Variants in MBNL2 observed in about 807,000 individuals in gnomAD.
MBNL2 encodes the protein muscleblind like splicing regulator 2, also known as muscleblind-like protein 2.
A neutral mutation model predicts 41.9 loss-of-function variants in MBNL2; 17 were observed. That is an observed-to-expected ratio of 0.41 (90% CI 0.28 to 0.61). The LOEUF is 0.61. Among genes scored for constraint, MBNL2 ranks in the 20% least tolerant of loss-of-function variants. The pLI is 0.35. For missense variants in MBNL2, 336 were observed against 505.6 expected, an observed-to-expected ratio of 0.66 and a Z score of 3.22; for synonymous variants, 195 against 182.9, an observed-to-expected ratio of 1.07 and a Z score of -0.53.
At chr13:97,269,741 G>A (rs1443897386) in intron 1 of MBNL2, among the ~76,000 whole-genome samples, 1 of 152,124 alleles carries the variant, frequency 6.6e-6, no homozygotes, top group Non-Finnish European at 1.5e-5. Context: ...AAGGCGGTGT[G>A]AGAAGTGAAG....
the MBNL2 span, among the ~76,000 whole-genome samples, chr13:97,206,076 A>C: frequency 6.6e-6 from 1 of 152,196 alleles, no homozygotes; most frequent in East Asian, 1.9e-4. Context: ...TATAAAAGCC[A>C]ATGAGTAGTC....
At chr13:97,282,147 G>A (rs867649636) in intron 2 of MBNL2, among the ~76,000 whole-genome samples, 39 of 152,056 alleles carry the variant, frequency 2.6e-4, no homozygotes, top group Admixed American at 9.2e-4. Context: ...AGCCTTGGGA[G>A]ATCAAGACCA....
chr13:97,151,523 G>T, the MBNL2 span, among the ~76,000 whole-genome samples: 1 of 152,144 alleles, frequency 6.6e-6, no homozygotes, highest in Non-Finnish European at 1.5e-5. Flanking sequence ...GCTCTAATTT[G>T]TAGTCATTGC....
At chr13:97,377,556 AT>A (rs1487060622) in intron 8 of MBNL2, among the ~76,000 whole-genome samples, 2 of 152,190 alleles carry the variant, frequency 1.3e-5, no homozygotes, top group Admixed American at 1.3e-4. Context: ...TTCTCCAAGT[AT>A]TTTTTCCTAG....
rs182670941 is a variant in MBNL2 at position 97,311,116 on chromosome 13, G to A, written c.175-23160G>A. Among the ~76,000 whole-genome samples, 456 of 152,278 alleles carry A rather than the reference G, an allele frequency of 3.0e-3. 1 individual carries two copies. Among genetic ancestry groups the A allele is most frequent in the African/African-American group, 0.01 (436 of 41,556 alleles). On this transcript the variant is annotated intron_variant, in intron 2 of 8. Coordinates refer to ENST00000679496, the MANE Select transcript of MBNL2 (RefSeq NM_001382683.1). ...AGTTACACTGAGGAAATAAAAAAGA[G>A]GGGGAGGAATGACTATGTGTGTGAA...
intron 5 of MBNL2, among the ~76,000 whole-genome samples, chr13:97,351,700 T>C (rs1216075144): frequency 1.3e-5 from 2 of 152,162 alleles, no homozygotes; most frequent in African/African-American, 2.4e-5. Context: ...TCAGCCTTCA[T>C]AGAATTGAGG....
intron 1 of MBNL2, among the ~76,000 whole-genome samples, chr13:97,235,540 T>C (rs890331098): frequency 2.0e-5 from 3 of 152,216 alleles, no homozygotes; most frequent in Non-Finnish European, 4.4e-5. Context: ...TCCAGGTACA[T>C]GTTAGGTCTT....
intron 1 of MBNL2, among the ~76,000 whole-genome samples, chr13:97,269,794 C>T (rs536331746): frequency 6.6e-6 from 1 of 152,202 alleles, no homozygotes; most frequent in South Asian, 2.1e-4. Context: ...TGCAGTCAGA[C>T]CATTGATCTC....
chr13:97,325,609 A>G (rs1252912033), intron 2 of MBNL2, among the ~76,000 whole-genome samples: 1 of 152,212 alleles, frequency 6.6e-6, no homozygotes, highest in Non-Finnish European at 1.5e-5. Flanking sequence ...AAGCACCTGT[A>G]GTCCCAGCTA....
At chr13:97,191,564 A>T in the MBNL2 span, among the ~76,000 whole-genome samples, 1 of 152,126 alleles carries the variant, frequency 6.6e-6, no homozygotes, top group Admixed American at 6.6e-5. Context: ...AACACATGTT[A>T]TCCACGTTAG....
chr13:97,341,563 A>C (rs893897228), intron 3 of MBNL2, among the ~76,000 whole-genome samples: 10 of 152,186 alleles, frequency 6.6e-5, no homozygotes, highest in African/African-American at 2.4e-4. Flanking sequence ...TTCAGACCTC[A>C]TATTGCAACT....
chr13:97,198,354 G>A, the MBNL2 span, among the ~76,000 whole-genome samples: 8 of 151,686 alleles, frequency 5.3e-5, no homozygotes, highest in East Asian at 3.9e-4. Flanking sequence ...GTTGGCCTTC[G>A]GACTGGAAAT....
chr13:97,204,298 C>G, the MBNL2 span, among the ~76,000 whole-genome samples: 3 of 152,110 alleles, frequency 2.0e-5, no homozygotes, highest in Non-Finnish European at 4.4e-5. Context: ...TTATAGAGTC[C>G]CAGATCTCAT....
At chr13:97,250,230 T>C (rs2046262624) in intron 1 of MBNL2, among the ~76,000 whole-genome samples, 1 of 152,234 alleles carries the variant, frequency 6.6e-6, no homozygotes, top group Non-Finnish European at 1.5e-5. Context: ...TTTCTCTATA[T>C]TGTGTAAAAA....
At chr13:97,193,441 C>A in the MBNL2 span, among the ~76,000 whole-genome samples, 1 of 152,170 alleles carries the variant, frequency 6.6e-6, no homozygotes, top group Non-Finnish European at 1.5e-5. Flanking sequence ...TTAAAGTTGA[C>A]AAATGGGGAG....
At chr13:97,169,966 T>G in the MBNL2 span, among the ~76,000 whole-genome samples, 1 of 152,188 alleles carries the variant, frequency 6.6e-6, no homozygotes, top group African/African-American at 2.4e-5. Context: ...ATCCAGTTGC[T>G]AATAAAAAAG....
At chr13:97,343,480 A>G (rs1457595991) in intron 4 of MBNL2, among the ~76,000 whole-genome samples, 1 of 152,238 alleles carries the variant, frequency 6.6e-6, no homozygotes, top group Non-Finnish European at 1.5e-5. Flanking sequence ...ATATTAAACA[A>G]TCAATGGAAC....
At chr13:97,293,473 G>C (rs1346927832) in intron 2 of MBNL2, among the ~76,000 whole-genome samples, 1 of 152,150 alleles carries the variant, frequency 6.6e-6, no homozygotes, top group African/African-American at 2.4e-5. Context: ...CCTGGTACAT[G>C]ACACTTGAGA....
At chr13:97,388,360 G>GA (rs1018043873) in intron 8 of MBNL2, among the ~76,000 whole-genome samples, 2 of 148,094 alleles carry the variant, frequency 1.4e-5, no homozygotes, top group Non-Finnish European at 3.0e-5. Flanking sequence ...GAAAATCTCT[G>GA]AAAAGAGGTA....
Sources: gnomAD v4.1 joint callset for allele counts (sites outside exome capture counted in the v4.1 genomes callset) on GRCh38, gnomAD v4.1.1 for gene constraint, MANE v1.5 for transcripts, NCBI Gene and HGNC (gene_info 2026-07-23, HGNC 2026-07-21) for gene names.